The following PCLO variants were observed in gnomAD, a reference collection of about 807,000 sequenced individuals.
PCLO encodes piccolo presynaptic cytomatrix protein.
Under a neutral mutation model 427.5 loss-of-function variants are expected in PCLO, and 82 were observed. The ratio of observed to expected loss-of-function variants is 0.19; its 90% confidence interval spans 0.16 to 0.23. The LOEUF (loss-of-function observed/expected upper bound fraction) is 0.23, where lower values mean the gene tolerates loss of function less well. Ranked by LOEUF, PCLO falls within the 10% of genes least tolerant of loss-of-function variation. The pLI is 1.00. For synonymous variants in PCLO, 2,357 were observed against 2,155.4 expected, an observed-to-expected ratio of 1.09 and a Z score of -2.59; for missense variants, 6,239 against 6,115.9, an observed-to-expected ratio of 1.02 and a Z score of -0.67.
chr7:82,908,748 A>T, intron 8 of PCLO, 129 bp downstream of exon 8: 1 of 806,792 alleles, frequency 1.2e-6, no homozygotes, highest in Non-Finnish European at 2.0e-6. Context: ...CCTTTATGTT[A>T]TTGGAAAAAA....
intron 9 of PCLO, among the ~76,000 whole-genome samples, chr7:82,889,516 C>A (rs1326670134): frequency 6.6e-6 from 1 of 152,030 alleles, no homozygotes; most frequent in Non-Finnish European, 1.5e-5. Context: ...AAAACAATTT[C>A]TTAGTTTGGG....
At chr7:82,919,678 AGGAGGATGTG>A (rs1794551340) in intron 6 of PCLO, among the ~76,000 whole-genome samples, 1 of 151,882 alleles carries the variant, frequency 6.6e-6, no homozygotes, top group Non-Finnish European at 1.5e-5. Flanking sequence ...TAAACAATGA[AGGAGGATGTG>A]GGAAGAATAC....
At position 82,879,388 on chromosome 7, in the gene PCLO, C is replaced by A. The variant is rs1327146719; in HGVS notation, c.13603G>T (p.Ala4535Ser). The A allele has an allele frequency of 1.9e-6, 3 of 1,612,048 alleles. No homozygotes were observed. Among genetic ancestry groups the A allele is most frequent in the African/African-American group, 2.7e-5 (2 of 74,980 alleles). The change falls in exon 10 of 25, where the codon GCC (alanine) becomes TCC (serine). Residue 4535 changes from alanine (A) to serine (S), a missense_variant. Transcript: ENST00000333891. ...GCACTTCCCCCAGGAAGAATCTTGG[C>A]AATATAGGCTCCAATTTCTCCACTA... Reference protein sequence around the residue: ...GHSGEIGAYIAKILPGGSAEQ... With the variant: ...GHSGEIGAYISKILPGGSAEQ...
Position 82,827,970 on chromosome 7 carries a change from A to T in PCLO, c.14250-4T>A. 6.5e-7 allele frequency: 1 copy of T among 1,541,180 alleles called. No individual in the cohort carries two copies. Among genetic ancestry groups the T allele is most frequent in the Non-Finnish European group, 9.0e-7 (1 of 1,116,916 alleles). On this transcript the variant is annotated splice_region_variant and splice_polypyrimidine_tract_variant and intron_variant, in intron 16 of 24. Transcript: ENST00000333891. ...AGTCCTTCTCTTGTACTCAGCACTG[A>T]ATTGGGAGAAAAGAAAGAGTTATCT...
intron 3 of PCLO, among the ~76,000 whole-genome samples, chr7:83,083,755 G>A (rs1232044132): frequency 3.9e-5 from 6 of 152,040 alleles, no homozygotes; most frequent in Non-Finnish European, 8.8e-5. Flanking sequence ...CATGACTTCA[G>A]ACAGTACTAG....
chr7:83,098,499 G>A (rs913458243), intron 3 of PCLO, among the ~76,000 whole-genome samples: 34 of 152,066 alleles, frequency 2.2e-4, no homozygotes, highest in African/African-American at 7.5e-4. Flanking sequence ...TTCTAACAGC[G>A]AATCTTAAAC....
intron 21 of PCLO, among the ~76,000 whole-genome samples, chr7:82,805,123 T>A (rs932326311): frequency 1.3e-5 from 2 of 152,082 alleles, no homozygotes; most frequent in African/African-American, 4.8e-5. Flanking sequence ...TATGAGTGAT[T>A]CTTATTCCAA....
At position 82,812,272 on chromosome 7, in the gene PCLO, A is replaced by C. The variant is rs566147211; in HGVS notation, c.14792-6443T>G. Among the ~76,000 whole-genome samples the C allele has an allele frequency of 3.3e-5, 5 of 151,734 alleles. No individual in the cohort carries two copies. In the East Asian group the frequency reaches 9.7e-4, roughly 29 times the overall value. On this transcript the variant is annotated intron_variant, in intron 20 of 24. Coordinates refer to ENST00000333891, the MANE Select transcript of PCLO (RefSeq NM_033026.6). Reference sequence around the variant, plus strand: ...ATCAATGATCACTTCAGGAAACAGAAGTAATCGTATAAAACAATGTAACAA... The same window carrying C: ...ATCAATGATCACTTCAGGAAACAGACGTAATCGTATAAAACAATGTAACAA...
intron 6 of PCLO, among the ~76,000 whole-genome samples, chr7:82,940,758 T>A (rs1795064738): frequency 3.2e-5 from 1 of 31,332 alleles, no homozygotes; most frequent in African/African-American, 1.1e-4. Context: ...TTTCTTTCTT[T>A]TTTTTTTTTT....
rs371981613 is a variant in PCLO, at chr7:83,135,255, G to T, written c.2295C>A (p.Asp765Glu). The change falls in exon 3 of 25, where the codon GAC becomes GAA. Residue 765 changes from aspartate (D) to glutamate (E), a missense_variant. Transcript: ENST00000333891. ...TTGTTGCTGATGATGAAGATACAAG[G>T]TCAGTGGTTGGCTTTACCATCTTGG... The part of the protein sequence containing the change: ...KQPKMVKPTT[D>E]LVSSSSATTK... 6.2e-7 allele frequency: 1 copy of T among 1,613,876 alleles called. No individual in the cohort carries two copies. Among genetic ancestry groups the T allele is most frequent in the Non-Finnish European group, 8.5e-7 (1 of 1,179,860 alleles).
At chr7:82,972,226 C>G (rs923640530) in intron 3 of PCLO, among the ~76,000 whole-genome samples, 1 of 151,834 alleles carries the variant, frequency 6.6e-6, no homozygotes, top group Non-Finnish European at 1.5e-5. Flanking sequence ...TTGTTCAAAA[C>G]AAAACAGTGT....
intron 20 of PCLO, among the ~76,000 whole-genome samples, chr7:82,813,419 G>A (rs1301816584): frequency 6.6e-6 from 1 of 151,646 alleles, no homozygotes; most frequent in African/African-American, 2.4e-5. Flanking sequence ...ACCAGAGGCA[G>A]AACAAATAAA....
At position 83,155,369 on chromosome 7, in the gene PCLO, T is replaced by C. The variant is rs1268272621; in HGVS notation, c.1272A>G (p.Gln424=). ...CCTTAGCTGGAGACTGTAGCCCAGG[T>C]TGTTGAGCTAGGGGTTTTGGTGTCC... ...QVGTPKPLAQ[Q]PGLQSPAKAP... Residue 424 remains glutamine, a synonymous_variant, in exon 2 of 25, where the codon CAA becomes CAG. Transcript: ENST00000333891. 1 of 1,613,182 alleles carries C rather than the reference T, an allele frequency of 6.2e-7. No individual in the cohort carries two copies. The highest frequency in any genetic ancestry group is 2.2e-5 in the East Asian group (1 of 44,822).
rs1788845103 is a variant in PCLO, at chr7:83,038,009, ATATATATATATATATATATATT to A, written c.3301-71544_3301-71523del. Among the ~76,000 whole-genome samples, 2 of 43,348 alleles carry A rather than the reference ATATATATATATATATATATATT, an allele frequency of 4.6e-5. 1 individual carries two copies. The highest frequency in any genetic ancestry group is 7.2e-5 in the Non-Finnish European group (2 of 27,766). The allele number at this position is 43,348 out of a possible 152,430, so 28.4% of individuals were successfully genotyped here. A position where few individuals can be genotyped will look rare whatever the true frequency, so the allele number is the denominator to read the frequency against. On this transcript the variant is annotated intron_variant, in intron 3 of 24. Coordinates refer to ENST00000333891, the MANE Select transcript of PCLO (RefSeq NM_033026.6). ...GGAGCTTATATATATATATATATAT[ATATATATATATATATATATATT>A]TATATATTTATATATATATCTTTAT... is the stretch of plus-strand genomic sequence containing the variant.
rs771452278 is a variant in PCLO, at chr7:82,951,812, A to G, written c.9097+44T>C. ...ATCCTGAAATGAGATGAGGAACACCATAATGATATTTCAAGGAAAGGTCTG... is the reference window on the plus strand; with the variant it reads ...ATCCTGAAATGAGATGAGGAACACCGTAATGATATTTCAAGGAAAGGTCTG... On this transcript the variant is annotated intron_variant, in intron 5 of 24. Coordinates refer to ENST00000333891, the MANE Select transcript of PCLO (RefSeq NM_033026.6). The G allele has an allele frequency of 4.5e-6, 7 of 1,566,522 alleles. No individual in the cohort carries two copies. The South Asian group carries it at 7.3e-5, about 16-fold the overall frequency.
chr7:83,122,802 A>C (rs930451797), intron 3 of PCLO, among the ~76,000 whole-genome samples: 3 of 152,226 alleles, frequency 2.0e-5, no homozygotes, highest in African/African-American at 7.2e-5. Flanking sequence ...GTAGAATACA[A>C]AATCAAAATA....
At chr7:82,869,970 T>C (rs1290232049) in intron 10 of PCLO, among the ~76,000 whole-genome samples, 1 of 152,062 alleles carries the variant, frequency 6.6e-6, no homozygotes, top group Non-Finnish European at 1.5e-5. Flanking sequence ...TATTTCATGT[T>C]CATGGATTGA....
At chr7:82,835,795 TA>T in intron 15 of PCLO, 102 bp from the exon 16 acceptor site, 1 of 872,812 alleles carries the variant, frequency 1.1e-6, no homozygotes, top group Non-Finnish European at 1.8e-6. Context: ...AACATGAAAA[TA>T]ATAACTAGAG....
intron 3 of PCLO, among the ~76,000 whole-genome samples, chr7:83,118,886 A>G (rs1490054633): frequency 6.6e-6 from 1 of 152,150 alleles, no homozygotes; most frequent in Non-Finnish European, 1.5e-5. Flanking sequence ...TGGGGGAAAC[A>G]TGGGAATGTT....
Sources: allele counts gnomAD v4.1 joint callset (sites outside exome capture counted in the v4.1 genomes callset), GRCh38; gene constraint gnomAD v4.1.1; transcripts MANE v1.5; gene names NCBI Gene and HGNC (gene_info 2026-07-23, HGNC 2026-07-21).